Variants in WWOX observed in about 807,000 individuals in gnomAD.
WWOX encodes the protein WW domain containing oxidoreductase.
WWOX carries 69 observed loss-of-function variants against 46.2 expected under a neutral mutation model. That is an observed-to-expected ratio of 1.49 (90% confidence interval 1.23 to 1.82). WWOX has a LOEUF of 1.82. Ranked by LOEUF, WWOX falls within the 40% of genes most tolerant of loss-of-function variation. The probability of loss-of-function intolerance (pLI) is 0.00; values close to 1 mark genes in which losing one functional copy is unlikely to be tolerated. For synonymous variants in WWOX, 359 were observed against 202.6 expected (o/e 1.77, Z -6.56); for missense variants, 919 against 542.6 (o/e 1.69, Z -6.89).
chr16:79,165,598 G>C (rs1193085233), intron 8 of WWOX, among the ~76,000 whole-genome samples: 2 of 152,268 alleles, frequency 1.3e-5, no homozygotes, highest in Middle Eastern at 3.4e-3. Context: ...TGCTAGTTCA[G>C]AGGCAGTGAA....
intron 8 of WWOX, among the ~76,000 whole-genome samples, chr16:78,799,825 T>G (rs1039205514): frequency 6.6e-6 from 1 of 152,188 alleles, no homozygotes; most frequent in Non-Finnish European, 1.5e-5. Flanking sequence ...GCTGCCCAAT[T>G]ATACCCAATA....
intron 8 of WWOX, among the ~76,000 whole-genome samples, chr16:79,044,618 C>T (rs778804400): frequency 6.6e-6 from 1 of 152,214 alleles, no homozygotes; most frequent in Admixed American, 6.5e-5. Context: ...TCCTGTACAG[C>T]CTGTGGAACT....
intron 5 of WWOX, among the ~76,000 whole-genome samples, chr16:78,295,184 G>A (rs184061330): frequency 6.6e-6 from 1 of 152,304 alleles, no homozygotes. Flanking sequence ...GGCTGAAGAT[G>A]TATCATCTAC....
intron 8 of WWOX, among the ~76,000 whole-genome samples, chr16:78,874,684 CTTTTTTTTTTTTTT>C (rs552696627): frequency 4.9e-4 from 41 of 83,498 alleles, no homozygotes; most frequent in African/African-American, 1.5e-3. Context: ...AGATTTTTTT[CTTTTTTTTTTTTTT>C]TTTTTTTTTG....
chr16:78,966,964 G>C (rs2046373388), intron 8 of WWOX, among the ~76,000 whole-genome samples: 2 of 152,292 alleles, frequency 1.3e-5, no homozygotes, highest in East Asian at 1.9e-4. Flanking sequence ...CGTAAATACT[G>C]AGTTATTTCT....
intron 8 of WWOX, among the ~76,000 whole-genome samples, chr16:79,208,067 G>C (rs1254663256): frequency 6.6e-6 from 1 of 152,196 alleles, no homozygotes; most frequent in Non-Finnish European, 1.5e-5. Flanking sequence ...AAATCTGACA[G>C]ATGATTTTTG....
intron 8 of WWOX, among the ~76,000 whole-genome samples, chr16:78,976,793 A>C (rs1162850534): frequency 6.6e-6 from 1 of 152,162 alleles, no homozygotes; most frequent in African/African-American, 2.4e-5. Flanking sequence ...CATGAGGCAG[A>C]TCTTAGTGCT....
intron 1 of WWOX, among the ~76,000 whole-genome samples, chr16:78,107,838 G>C (rs774058104): frequency 1.3e-5 from 2 of 152,076 alleles, no homozygotes; most frequent in Non-Finnish European, 2.9e-5. Context: ...AACATTTTAA[G>C]AGATTATATA....
intron 8 of WWOX, among the ~76,000 whole-genome samples, chr16:79,200,297 C>T (rs998619445): frequency 1.3e-5 from 2 of 152,130 alleles, no homozygotes; most frequent in African/African-American, 2.4e-5. Flanking sequence ...TCAAATGGCC[C>T]AGGCAGGAAA....
chr16:78,535,869 C>G (rs1052143668), intron 8 of WWOX, among the ~76,000 whole-genome samples: 3 of 152,096 alleles, frequency 2.0e-5, no homozygotes, highest in Non-Finnish European at 4.4e-5. Context: ...GGGGTTTAGG[C>G]TTTCTTGGAC....
intron 6 of WWOX, among the ~76,000 whole-genome samples, chr16:78,406,352 A>ATG (rs2082543106): frequency 4.1e-5 from 3 of 73,352 alleles, no homozygotes; most frequent in Non-Finnish European, 7.7e-5. Flanking sequence ...ATATATATAT[A>ATG]TATTTTATTA....
chr16:78,197,887 T>C (rs1296873281), intron 5 of WWOX, among the ~76,000 whole-genome samples: 1 of 152,176 alleles, frequency 6.6e-6, no homozygotes, highest in Non-Finnish European at 1.5e-5. Context: ...TAACTGCTCA[T>C]TGGAAACTGA....
chr16:78,399,582 C>T (rs186586105), intron 6 of WWOX, among the ~76,000 whole-genome samples: 1 of 152,130 alleles, frequency 6.6e-6, no homozygotes, highest in Non-Finnish European at 1.5e-5. Context: ...AGTGAGACCA[C>T]CCACGCAGAC....
chr16:78,903,700 C>A (rs56186839), intron 8 of WWOX, among the ~76,000 whole-genome samples: 1 of 151,964 alleles, frequency 6.6e-6, no homozygotes. Context: ...CACCTGGACA[C>A]TTCGCTCTAG....
intron 8 of WWOX, among the ~76,000 whole-genome samples, chr16:79,167,115 G>C (rs1394385605): frequency 6.6e-6 from 1 of 151,920 alleles, no homozygotes; most frequent in Non-Finnish European, 1.5e-5. Flanking sequence ...TAATTTTTTT[G>C]TATTTTATTA....
At chr16:78,588,432 A>T (rs1312712468) in intron 8 of WWOX, among the ~76,000 whole-genome samples, 1 of 152,216 alleles carries the variant, frequency 6.6e-6, no homozygotes, top group Non-Finnish European at 1.5e-5. Context: ...GCTTGCTCTC[A>T]GGAAGTTCTT....
intron 8 of WWOX, among the ~76,000 whole-genome samples, chr16:78,993,934 G>A (rs2046938505): frequency 6.6e-6 from 1 of 152,116 alleles, no homozygotes; most frequent in African/African-American, 2.4e-5. Flanking sequence ...CGCTTCCCCC[G>A]TGGGAACAGT....
At chr16:78,115,707 G>A (rs1193721560) in intron 4 of WWOX, among the ~76,000 whole-genome samples, 1 of 152,136 alleles carries the variant, frequency 6.6e-6, no homozygotes, top group African/African-American at 2.4e-5. Context: ...GCTCAAGAGG[G>A]TATCCTTGCT....
At chr16:78,461,462 G>A (rs62034122) in intron 8 of WWOX, among the ~76,000 whole-genome samples, 2,616 of 152,334 alleles carry the variant, frequency 0.017, 32 homozygotes, top group South Asian at 0.029. Flanking sequence ...AGCCAAACAA[G>A]TGGAATGTGT....
Sources: allele counts gnomAD v4.1 joint callset (sites outside exome capture counted in the v4.1 genomes callset), GRCh38; gene constraint gnomAD v4.1.1; transcripts MANE v1.5; gene names NCBI Gene and HGNC (gene_info 2026-07-23, HGNC 2026-07-21).